CTNNBL1: variants seen among roughly 807,000 people sequenced by gnomAD.
CTNNBL1 encodes the protein catenin beta like 1.
A neutral mutation model predicts 72.7 loss-of-function variants in CTNNBL1; 31 were observed. The observed-to-expected ratio is 0.43, with a 90% confidence interval of 0.32 to 0.58. The LOEUF (loss-of-function observed/expected upper bound fraction) is 0.58, where lower values mean the gene tolerates loss of function less well. Ranked by LOEUF, CTNNBL1 falls within the 20% of genes least tolerant of loss-of-function variation. The pLI is 0.08. For missense variants in CTNNBL1, 534 were observed against 725.1 expected (o/e 0.74, Z 3.03); for synonymous variants, 240 against 267.3 (o/e 0.90, Z 1.00).
At chr20:37,817,532 CTT>C (rs917942329) in intron 11 of CTNNBL1, among the ~76,000 whole-genome samples, 3 of 152,166 alleles carry the variant, frequency 2.0e-5, no homozygotes, top group African/African-American at 7.2e-5. Flanking sequence ...AAAATGCAGA[CTT>C]GAGTTCAAAT....
chr20:37,713,225 G>T (rs185353493), intron 1 of CTNNBL1, among the ~76,000 whole-genome samples: 2 of 152,348 alleles, frequency 1.3e-5, no homozygotes, highest in South Asian at 2.1e-4. Context: ...GACATGACTT[G>T]TGCCAGTGGT....
intron 1 of CTNNBL1, among the ~76,000 whole-genome samples, chr20:37,706,217 G>A (rs2072883433): frequency 6.6e-6 from 1 of 152,164 alleles, no homozygotes; most frequent in Non-Finnish European, 1.5e-5. Context: ...CTGAAGGTTG[G>A]GGTGGCTGTG....
At chr20:37,812,936 C>A (rs989764242) in intron 11 of CTNNBL1, among the ~76,000 whole-genome samples, 1 of 151,910 alleles carries the variant, frequency 6.6e-6, no homozygotes, top group Non-Finnish European at 1.5e-5. Context: ...ACAGCCCCCC[C>A]CAGGAATGTG....
intron 15 of CTNNBL1, among the ~76,000 whole-genome samples, chr20:37,865,631 C>T (rs1233057671): frequency 6.6e-6 from 1 of 152,176 alleles, no homozygotes; most frequent in Non-Finnish European, 1.5e-5. Flanking sequence ...TTGGCTGTGG[C>T]GTAGGAGCTG....
chr20:37,824,954 A>G (rs2122778152), intron 11 of CTNNBL1, among the ~76,000 whole-genome samples: 1 of 152,372 alleles, frequency 6.6e-6, no homozygotes, highest in East Asian at 1.9e-4. Flanking sequence ...CTCTGACCTG[A>G]CATTAATCAC....
At chr20:37,751,456 A>G (rs1202608400) in intron 4 of CTNNBL1, 1 of 152,126 alleles carries the variant, frequency 6.6e-6, no homozygotes, top group African/African-American at 2.4e-5. Flanking sequence ...TTCTTTTCCA[A>G]ATGACTGTTT....
rs544111146 is a variant in CTNNBL1 at position 37,799,075 on chromosome 20, A to G, written c.1032-3792A>G. On this transcript the variant is annotated intron_variant, in intron 10 of 15. Transcript: ENST00000361383. ...CCTGGCTCCTCATATTTAAGATTTC[A>G]TGCTTCTCTCAAATAGGCCTTTTTC... Among the ~76,000 whole-genome samples the G allele has an allele frequency of 3.9e-5, 6 of 152,272 alleles. No homozygotes were observed. In the South Asian group the frequency reaches 1.2e-3, roughly 32 times the overall value.
chr20:37,795,318 T>TA (rs1187617872), intron 10 of CTNNBL1, among the ~76,000 whole-genome samples: 13 of 151,786 alleles, frequency 8.6e-5, no homozygotes, highest in African/African-American at 1.9e-4. Context: ...CCAGCTAATT[T>TA]AAAAAAAATA....
intron 1 of CTNNBL1, among the ~76,000 whole-genome samples, chr20:37,718,423 C>A (rs1252816036): frequency 1.4e-5 from 2 of 141,492 alleles, no homozygotes; most frequent in African/African-American, 5.4e-5. Flanking sequence ...CTGACCCCCC[C>A]ACCTCCCTCC....
At chr20:37,805,548 C>A in intron 11 of CTNNBL1, among the ~76,000 whole-genome samples, 1 of 151,928 alleles carries the variant, frequency 6.6e-6, no homozygotes. Context: ...AGGCGCCCAC[C>A]ACCACACCCA....
At chr20:37,860,067 C>G (rs945058231) in intron 14 of CTNNBL1, 31 bp downstream of exon 14, 1 of 1,609,142 alleles carries the variant, frequency 6.2e-7, no homozygotes, top group African/African-American at 1.4e-5. Flanking sequence ...ATGGGCTTAT[C>G]CATCCCTGCC....
chr20:37,712,690 T>C (rs1330823901), intron 1 of CTNNBL1, among the ~76,000 whole-genome samples: 1 of 152,268 alleles, frequency 6.6e-6, no homozygotes, highest in Non-Finnish European at 1.5e-5. Context: ...TGCCTGCCTC[T>C]GCTGTCTCTG....
intron 10 of CTNNBL1, among the ~76,000 whole-genome samples, chr20:37,782,351 T>TA (rs2073633560): frequency 6.6e-6 from 1 of 152,212 alleles, no homozygotes; most frequent in African/African-American, 2.4e-5. Flanking sequence ...TACTCATTGA[T>TA]ACATACTCCC....
intron 1 of CTNNBL1, among the ~76,000 whole-genome samples, chr20:37,703,652 T>C (rs568917249): frequency 6.6e-6 from 1 of 152,312 alleles, no homozygotes; most frequent in African/African-American, 2.4e-5. Flanking sequence ...AATTCTCTGC[T>C]TCCTCCCCTG....
At chr20:37,780,151 TA>T (rs1421373935) in intron 10 of CTNNBL1, among the ~76,000 whole-genome samples, 486 of 135,526 alleles carry the variant, frequency 3.6e-3, no homozygotes, top group Middle Eastern at 7.4e-3. Context: ...AGTTGAGATT[TA>T]AAAAAAAAAA....
chr20:37,695,438 T>C (rs180910554), intron 1 of CTNNBL1, among the ~76,000 whole-genome samples: 489 of 152,190 alleles, frequency 3.2e-3, no homozygotes, highest in Admixed American at 6.5e-3. Flanking sequence ...CAAGCAGTCT[T>C]CCCACTTGGC....
chr20:37,817,761 G>T (rs970710573), intron 11 of CTNNBL1, among the ~76,000 whole-genome samples: 1 of 152,176 alleles, frequency 6.6e-6, no homozygotes, highest in Non-Finnish European at 1.5e-5. Flanking sequence ...CTGCTTCTCT[G>T]ACCACACTTT....
At chr20:37,771,058 G>A (rs1195776180) in intron 7 of CTNNBL1, among the ~76,000 whole-genome samples, 1 of 152,148 alleles carries the variant, frequency 6.6e-6, no homozygotes, top group Non-Finnish European at 1.5e-5. Context: ...TGTGGGTAAC[G>A]GCCTCTTAAC....
chr20:37,778,957 T>C (rs1047424740), intron 9 of CTNNBL1, among the ~76,000 whole-genome samples: 1 of 152,156 alleles, frequency 6.6e-6, no homozygotes, highest in Non-Finnish European at 1.5e-5. Flanking sequence ...TGTCAATTAC[T>C]GATGGACCCA....
Sources: allele counts gnomAD v4.1 joint callset (sites outside exome capture counted in the v4.1 genomes callset), GRCh38; gene constraint gnomAD v4.1.1; transcripts MANE v1.5; gene names NCBI Gene and HGNC (gene_info 2026-07-23, HGNC 2026-07-21).